Variants in EYA1 observed in about 807,000 individuals in gnomAD.
EYA1 encodes the protein EYA transcriptional coactivator and phosphatase 1.
EYA1 carries 16 observed loss-of-function variants against 82.0 expected under a neutral mutation model. The observed-to-expected ratio is 0.20, with a 90% CI of 0.13 to 0.30. The LOEUF (loss-of-function observed/expected upper bound fraction) is 0.30, where lower values mean the gene tolerates loss of function less well. Among genes scored for constraint, EYA1 ranks in the 10% least tolerant of loss-of-function variants. EYA1 has a pLI of 1.00. For missense variants in EYA1, 633 were observed against 730.7 expected (o/e 0.87, Z 1.54); for synonymous variants, 261 against 264.4 (o/e 0.99, Z 0.12).
intron 4 of EYA1, among the ~76,000 whole-genome samples, chr8:71,325,367 A>G (rs79498951): frequency 1.3e-5 from 2 of 152,074 alleles, no homozygotes; most frequent in Admixed American, 6.6e-5. Context: ...AGCACCCCCA[A>G]CATTGCATTA....
chr8:71,397,480 C>G (rs1829696775), intron 2 of EYA1, among the ~76,000 whole-genome samples: 1 of 152,126 alleles, frequency 6.6e-6, no homozygotes, highest in Non-Finnish European at 1.5e-5. Flanking sequence ...GTAAGGCAGG[C>G]CTGGTGTTGA....
chr8:71,395,146 CCT>C (rs199755770), intron 2 of EYA1, among the ~76,000 whole-genome samples: 4,791 of 152,030 alleles, frequency 0.032, 3 homozygotes, highest in Non-Finnish European at 0.048. Context: ...GATTTTGTAC[CCT>C]GAGACTTTGC....
At chr8:71,356,670 T>G in intron 1 of EYA1, 159 bp from the exon 2 acceptor site, 23 of 1,336,818 alleles carry the variant, frequency 1.7e-5, no homozygotes, top group Non-Finnish European at 2.2e-5. Flanking sequence ...GTCTTTAAGT[T>G]GAGGTCTCAA....
Position 71,244,801 on chromosome 8 carries a change from CAGAG to C in EYA1, c.1051-113_1051-110del, listed in dbSNP as rs962081292. On this transcript the variant is annotated intron_variant, in intron 11 of 17. Coordinates refer to ENST00000340726, the MANE Select transcript of EYA1 (RefSeq NM_000503.6). ...TGGGAGAGGCTGAAAGCAAGAGACA[CAGAG>C]AGAGACTTGGGCAACAGCTGCTTAT... 8.8e-6 allele frequency: 6 copies of C among 684,232 alleles called. No individual in the cohort carries two copies. The African/African-American group carries it at 9.0e-5, about 10-fold the overall frequency. The allele number at this position is 684,232 out of a possible 1,614,324, so 42.4% of individuals were successfully genotyped here.
chr8:71,380,643 T>A (rs546495011), intron 2 of EYA1, among the ~76,000 whole-genome samples: 5 of 152,346 alleles, frequency 3.3e-5, no homozygotes, highest in East Asian at 3.9e-4. Context: ...TAACTTAGCA[T>A]TACCCTAGTA....
intron 2 of EYA1, among the ~76,000 whole-genome samples, chr8:71,378,987 C>T (rs1162891841): frequency 1.3e-5 from 2 of 152,262 alleles, no homozygotes; most frequent in Admixed American, 1.3e-4. Context: ...TTTATCAAAG[C>T]ACAAGTGAAT....
chr8:71,406,699 C>T (rs1200212163), intron 2 of EYA1, among the ~76,000 whole-genome samples: 5 of 152,146 alleles, frequency 3.3e-5, no homozygotes, highest in Admixed American at 2.0e-4. Flanking sequence ...GAGATTACAT[C>T]CTGCAACTGG....
intron 1 of EYA1, 57 bp from the exon 2 acceptor site, chr8:71,356,568 CTTAA>C: frequency 1.3e-6 from 2 of 1,540,284 alleles, no homozygotes; most frequent in Non-Finnish European, 1.8e-6. Flanking sequence ...AGTGTCAGCT[CTTAA>C]TTATACAGAG....
chr8:71,463,404 C>T (rs1808514150), intron 2 of EYA1, among the ~76,000 whole-genome samples: 1 of 152,200 alleles, frequency 6.6e-6, no homozygotes, highest in Non-Finnish European at 1.5e-5. Flanking sequence ...CTGCTCCAAA[C>T]TGTAACTAGA....
rs1438916597 is a variant in EYA1, at chr8:71,211,139, C to T, written c.1698+17G>A. 1 of 1,493,846 alleles carries T rather than the reference C, an allele frequency of 6.7e-7. No homozygotes were observed. The allele number at this position is 1,493,846 out of a possible 1,614,324, so 92.5% of individuals were successfully genotyped here. ...AAAAAACAAATGAGACAAGATGCACCATCTAGGAATGCTCACCTTTTTTGC... is the reference window on the plus strand; with the variant it reads ...AAAAAACAAATGAGACAAGATGCACTATCTAGGAATGCTCACCTTTTTTGC... On this transcript the variant is annotated intron_variant, in intron 17 of 17. Coordinates refer to ENST00000340726, the MANE Select transcript of EYA1 (RefSeq NM_000503.6).
intron 11 of EYA1, among the ~76,000 whole-genome samples, chr8:71,245,682 C>A (rs558128908): frequency 6.6e-6 from 1 of 152,166 alleles, no homozygotes; most frequent in East Asian, 1.9e-4. Flanking sequence ...AAGGGTAGTA[C>A]ATAGTAATTT....
intron 2 of EYA1, among the ~76,000 whole-genome samples, chr8:71,515,905 T>C (rs1812940813): frequency 6.6e-6 from 1 of 152,222 alleles, no homozygotes; most frequent in Non-Finnish European, 1.5e-5. Flanking sequence ...TACTTTGATA[T>C]ATCACATAAA....
At chr8:71,467,212 T>A (rs139309827) in intron 2 of EYA1, among the ~76,000 whole-genome samples, 1 of 152,062 alleles carries the variant, frequency 6.6e-6, no homozygotes, top group Non-Finnish European at 1.5e-5. Flanking sequence ...TTTAAAACCA[T>A]ATGTTTTTAA....
At chr8:71,282,947 T>C (rs1484890977) in intron 9 of EYA1, among the ~76,000 whole-genome samples, 1 of 151,928 alleles carries the variant, frequency 6.6e-6, no homozygotes. Context: ...TGTTTTTTTT[T>C]TTTTTTTGCC....
At chr8:71,296,830 C>T (rs184983478) in intron 9 of EYA1, among the ~76,000 whole-genome samples, 1 of 152,088 alleles carries the variant, frequency 6.6e-6, no homozygotes, top group East Asian at 1.9e-4. Context: ...ATTTTATATA[C>T]GACTACTAAG....
intron 9 of EYA1, among the ~76,000 whole-genome samples, chr8:71,291,163 T>C (rs1818952119): frequency 6.6e-6 from 1 of 152,138 alleles, no homozygotes; most frequent in Non-Finnish European, 1.5e-5. Context: ...TGTTAGCAAG[T>C]ACAGACGAGA....
chr8:71,270,318 T>C lies in EYA1; in HGVS notation c.967-495A>G, dbSNP rs192694745. 9.9e-5 allele frequency: 16 copies of C among 161,726 alleles called. No individual in the cohort carries two copies. The East Asian group carries it at 2.8e-3, about 28-fold the overall frequency. 10.0% of individuals were successfully genotyped at this position (161,726 alleles called of 1,614,324 possible). On this transcript the variant is annotated intron_variant, in intron 10 of 17. Transcript: ENST00000340726. Reference sequence around the variant, plus strand: ...AAAACCTTACATAATAAATTCACCTTATGTTACCTATTGAGCTGTTATCAA... The same window carrying C: ...AAAACCTTACATAATAAATTCACCTCATGTTACCTATTGAGCTGTTATCAA...
At chr8:71,372,079 G>T (rs1056743864) in intron 2 of EYA1, among the ~76,000 whole-genome samples, 3 of 152,068 alleles carry the variant, frequency 2.0e-5, no homozygotes, top group Non-Finnish European at 4.4e-5. Context: ...TAGGGCATGA[G>T]TTTTCGGATT....
At chr8:71,476,475 T>A (rs1197275518) in intron 2 of EYA1, among the ~76,000 whole-genome samples, 1 of 152,030 alleles carries the variant, frequency 6.6e-6, no homozygotes, top group Non-Finnish European at 1.5e-5. Context: ...ATTTAAAAAA[T>A]TACTGATAAG....
Sources: gnomAD v4.1 joint callset for allele counts (sites outside exome capture counted in the v4.1 genomes callset) on GRCh38, gnomAD v4.1.1 for gene constraint, MANE v1.5 for transcripts, NCBI Gene and HGNC (gene_info 2026-07-23, HGNC 2026-07-21) for gene names.